SIK2: variants seen among roughly 807,000 people sequenced by gnomAD.
SIK2 encodes the protein salt inducible kinase 2.
SIK2 carries 29 observed loss-of-function variants against 103.2 expected under a neutral mutation model. The ratio of observed to expected loss-of-function variants is 0.28; its 90% confidence interval spans 0.21 to 0.38. SIK2 has a LOEUF of 0.38. Among genes scored for constraint, SIK2 ranks in the 10% least tolerant of loss-of-function variants. SIK2 has a pLI of 1.00. For missense variants in SIK2, 879 were observed against 1,171.0 expected, an observed-to-expected ratio of 0.75 and a Z score of 3.64; for synonymous variants, 412 against 446.1, an observed-to-expected ratio of 0.92 and a Z score of 0.96.
chr11:111,673,430 G>A (rs1942654974), intron 3 of SIK2, among the ~76,000 whole-genome samples: 1 of 152,124 alleles, frequency 6.6e-6, no homozygotes, highest in Non-Finnish European at 1.5e-5. Flanking sequence ...ACCATAGGTG[G>A]AGATCCAGGC....
chr11:111,667,488 CTTTT>C (rs565449284), intron 3 of SIK2, among the ~76,000 whole-genome samples: 12 of 105,364 alleles, frequency 1.1e-4, no homozygotes, highest in Admixed American at 2.2e-4. Flanking sequence ...TGTTGGTTAT[CTTTT>C]TTTTTTTTTT....
chr11:111,651,688 A>G (rs900706795), intron 3 of SIK2, among the ~76,000 whole-genome samples: 1 of 152,124 alleles, frequency 6.6e-6, no homozygotes, highest in African/African-American at 2.4e-5. Flanking sequence ...GAACTTAATA[A>G]TATGCTTACA....
intron 9 of SIK2, among the ~76,000 whole-genome samples, chr11:111,717,307 G>T: frequency 1.0e-5 from 1 of 95,434 alleles, no homozygotes; most frequent in African/African-American, 4.3e-5. Context: ...GACAGAGCGA[G>T]ACTCCGTCTC....
At chr11:111,675,610 G>T (rs1942693405) in intron 3 of SIK2, among the ~76,000 whole-genome samples, 1 of 152,138 alleles carries the variant, frequency 6.6e-6, no homozygotes, top group Non-Finnish European at 1.5e-5. Flanking sequence ...ACTAGGGCTT[G>T]ACTTTTCATG....
intron 3 of SIK2, among the ~76,000 whole-genome samples, chr11:111,668,072 G>C (rs1222754561): frequency 1.3e-5 from 2 of 152,138 alleles, no homozygotes; most frequent in Non-Finnish European, 2.9e-5. Context: ...AATTAGTCTT[G>C]AAGGATGAGC....
At chr11:111,650,944 G>A (rs1040132268) in intron 3 of SIK2, among the ~76,000 whole-genome samples, 5 of 151,974 alleles carry the variant, frequency 3.3e-5, no homozygotes, top group Non-Finnish European at 7.4e-5. Flanking sequence ...GAAAAGTAAT[G>A]TTTTATATCT....
chr11:111,619,534 G>A (rs921388018), intron 2 of SIK2, among the ~76,000 whole-genome samples: 13 of 152,034 alleles, frequency 8.6e-5, no homozygotes, highest in South Asian at 2.1e-4. Flanking sequence ...TGGTAGAGAC[G>A]GGGTTTTGCC....
chr11:111,611,486 A>G (rs1322632183), intron 1 of SIK2, among the ~76,000 whole-genome samples: 1 of 152,168 alleles, frequency 6.6e-6, no homozygotes, highest in African/African-American at 2.4e-5. Context: ...ATCTTTATAA[A>G]TATAATAAGT....
chr11:111,714,740 C>T (rs1418132149), intron 9 of SIK2, among the ~76,000 whole-genome samples: 1 of 152,172 alleles, frequency 6.6e-6, no homozygotes, highest in Non-Finnish European at 1.5e-5. Flanking sequence ...TAGCCCACAA[C>T]AGGCAGCTCA....
At chr11:111,635,586 TAA>T (rs1357470838) in intron 3 of SIK2, among the ~76,000 whole-genome samples, 1 of 152,100 alleles carries the variant, frequency 6.6e-6, no homozygotes, top group Non-Finnish European at 1.5e-5. Context: ...TCGAAGGAAA[TAA>T]AGTTAAGTTT....
chr11:111,712,484 ACT>A (rs1943528028), intron 9 of SIK2, 109 bp downstream of exon 9: 1 of 1,164,168 alleles, frequency 8.6e-7, no homozygotes, highest in African/African-American at 1.5e-5. Flanking sequence ...TCGTTAAGTC[ACT>A]CAGGAGTGAT....
chr11:111,624,432 C>G (rs746510894), intron 3 of SIK2, among the ~76,000 whole-genome samples: 4 of 152,168 alleles, frequency 2.6e-5, no homozygotes, highest in Non-Finnish European at 5.9e-5. Context: ...TTTACAATGC[C>G]GGCTATACCA....
intron 4 of SIK2, among the ~76,000 whole-genome samples, chr11:111,698,782 TA>T (rs1943141599): frequency 6.6e-6 from 1 of 152,364 alleles, no homozygotes; most frequent in East Asian, 1.9e-4. Context: ...TTACAGGCAC[TA>T]AAACTCATCC....
chr11:111,643,891 G>A (rs1405821988), intron 3 of SIK2, among the ~76,000 whole-genome samples: 1 of 152,066 alleles, frequency 6.6e-6, no homozygotes, highest in Admixed American at 6.6e-5. Flanking sequence ...GCTTAGGTGG[G>A]AGGATCACTT....
chr11:111,727,032 T>C lies in SIK2; in HGVS notation c.*2903T>C. 6.2e-6 allele frequency: 10 copies of C among 1,614,126 alleles called. No homozygotes were observed. Among genetic ancestry groups the C allele is most frequent in the Non-Finnish European group, 8.5e-6 (10 of 1,180,006 alleles). ...CAGCTGGGCAAGTGTGTCTCTAGTA[T>C]CTCCACGCAACTGATACACTGGTCC... On this transcript the variant is annotated 3_prime_UTR_variant, in exon 15 of 15. Coordinates refer to ENST00000304987, the MANE Select transcript of SIK2 (RefSeq NM_015191.3).
intron 3 of SIK2, among the ~76,000 whole-genome samples, chr11:111,656,690 CTTAT>C (rs1942396390): frequency 6.6e-6 from 1 of 152,144 alleles, no homozygotes; most frequent in South Asian, 2.1e-4. Context: ...CACATTGTGC[CTTAT>C]TTATTACTGG....
chr11:111,617,293 C>T (rs1410075882), intron 2 of SIK2, among the ~76,000 whole-genome samples: 3 of 152,088 alleles, frequency 2.0e-5, no homozygotes, highest in East Asian at 1.9e-4. Context: ...AAATTTTTAA[C>T]GAGTAATTCA....
chr11:111,710,060 G>T (rs1194382234), intron 8 of SIK2, among the ~76,000 whole-genome samples: 1 of 152,200 alleles, frequency 6.6e-6, no homozygotes. Flanking sequence ...GTCTAATAAA[G>T]TTGGGAAGTA....
intron 4 of SIK2, among the ~76,000 whole-genome samples, chr11:111,690,003 A>T (rs1007305166): frequency 2.0e-5 from 3 of 151,614 alleles, no homozygotes; most frequent in Non-Finnish European, 4.4e-5. Context: ...TATATATATC[A>T]CACATATACA....
Sources: allele counts gnomAD v4.1 joint callset (sites outside exome capture counted in the v4.1 genomes callset), GRCh38; gene constraint gnomAD v4.1.1; transcripts MANE v1.5; gene names NCBI Gene and HGNC (gene_info 2026-07-23, HGNC 2026-07-21).